FAM184A: variants seen among roughly 807,000 people sequenced by gnomAD.
The protein encoded by FAM184A is family with sequence similarity 184 member A, also known as protein FAM184A.
FAM184A carries 99 observed loss-of-function variants against 143.8 expected under a neutral mutation model. That is an observed-to-expected ratio of 0.69 (90% CI 0.58 to 0.81). The LOEUF is 0.81. FAM184A is among the 40% of genes least tolerant of loss of function. The pLI is 0.00. For missense variants in FAM184A, 1,217 were observed against 1,310.5 expected (o/e 0.93, Z 1.10); for synonymous variants, 427 against 446.4 (o/e 0.96, Z 0.55).
intron 9 of FAM184A, among the ~76,000 whole-genome samples, chr6:118,995,459 C>T (rs992034091): frequency 6.6e-6 from 1 of 152,122 alleles, no homozygotes; most frequent in Admixed American, 6.6e-5. Flanking sequence ...ATTTAAAATA[C>T]AACACTATAA....
chr6:119,029,031 T>A (rs554252408), intron 1 of FAM184A, among the ~76,000 whole-genome samples: 1 of 152,168 alleles, frequency 6.6e-6, no homozygotes, highest in African/African-American at 2.4e-5. Flanking sequence ...TTTTTTCCTA[T>A]CTCATATAGG....
chr6:119,032,395 T>C (rs770631594), intron 1 of FAM184A, among the ~76,000 whole-genome samples: 2 of 151,658 alleles, frequency 1.3e-5, no homozygotes, highest in Non-Finnish European at 2.9e-5. Flanking sequence ...TTTTAATAAG[T>C]TAACAGTGAC....
At chr6:119,102,784 CAAAAAAAAAA>C (rs58686018) in intron 1 of FAM184A, among the ~76,000 whole-genome samples, 2 of 30,112 alleles carry the variant, frequency 6.6e-5, no homozygotes, top group Non-Finnish European at 1.3e-4. Flanking sequence ...GACTCCATCT[CAAAAAAAAAA>C]AAAAAAAAAA....
At chr6:118,967,085 T>C (rs1783524566) in intron 14 of FAM184A, 133 bp from the exon 15 acceptor site, 1 of 519,906 alleles carries the variant, frequency 1.9e-6, no homozygotes, top group East Asian at 3.2e-5. Flanking sequence ...CTTAAAACTT[T>C]TAAGCATAAT....
intron 1 of FAM184A, among the ~76,000 whole-genome samples, chr6:119,026,018 C>T (rs1035154040): frequency 2.6e-5 from 4 of 152,162 alleles, no homozygotes; most frequent in Non-Finnish European, 5.9e-5. Context: ...CTGTCTGGGA[C>T]AGCAGTTGTG....
At chr6:119,117,159 G>C (rs775650958) in intron 1 of FAM184A, among the ~76,000 whole-genome samples, 75 of 152,156 alleles carry the variant, frequency 4.9e-4, no homozygotes, top group Non-Finnish European at 1.0e-3. Flanking sequence ...ATTGGGAGTG[G>C]GCATAGATTT....
intron 16 of FAM184A, chr6:118,963,502 A>G (rs904673977): frequency 6.6e-6 from 1 of 152,134 alleles, no homozygotes. Context: ...ATGCCACTAC[A>G]GTCATTCTAT....
intron 12 of FAM184A, among the ~76,000 whole-genome samples, chr6:118,975,543 A>C (rs1783820675): frequency 6.6e-6 from 1 of 152,264 alleles, no homozygotes; most frequent in African/African-American, 2.4e-5. Context: ...TTACATCCTC[A>C]GTAAGTTTTA....
intron 17 of FAM184A, among the ~76,000 whole-genome samples, 199 bp from the exon 18 acceptor site, chr6:118,960,383 A>G (rs1583752460): frequency 6.6e-6 from 1 of 152,198 alleles, no homozygotes; most frequent in South Asian, 2.1e-4. Flanking sequence ...CAGCAGCTCA[A>G]ATGAAGTCAG....
intron 1 of FAM184A, among the ~76,000 whole-genome samples, chr6:119,094,002 C>A: frequency 7.1e-6 from 1 of 141,580 alleles, no homozygotes; most frequent in South Asian, 2.7e-4. Flanking sequence ...CCCTCCCTCC[C>A]CTCCCCTCCC....
In FAM184A at chr6:118,980,272, T is replaced by C. The variant is rs1431810230; in HGVS notation, c.2167A>G (p.Thr723Ala). 6.2e-7 allele frequency: 1 copy of C among 1,614,172 alleles called. No individual in the cohort carries two copies. Among genetic ancestry groups the C allele is most frequent in the Non-Finnish European group, 8.5e-7 (1 of 1,180,002 alleles). Reference protein sequence around the residue: ...TSLQQLQAQFTQERQRLTQEL... With the variant: ...TSLQQLQAQFAQERQRLTQEL... Reference sequence around the variant, plus strand: ...TGCGTAAGCCGCTGTCGTTCTTGCGTAAACTGGGCTTGCAGTTGTTGCAAA... The same window carrying C: ...TGCGTAAGCCGCTGTCGTTCTTGCGCAAACTGGGCTTGCAGTTGTTGCAAA... The change falls in exon 10 of 18, where the codon ACG (threonine) becomes GCG (alanine). Residue 723 changes from threonine to alanine, a missense_variant. Physicochemically the swap from Thr to Ala is moderately conservative, Grantham distance 58. Transcript: ENST00000338891.
At chr6:119,078,843 C>T (rs2114803342), upstream of FAM184A, 1 of 153,958 alleles carries the variant, frequency 6.5e-6, no homozygotes, top group South Asian at 1.8e-4. The surrounding 1 kb of genome is among the most constrained non-coding windows in gnomAD (Gnocchi z 5.5). Context: ...GCCCCGCGGC[C>T]AGTGCGGGCG....
chr6:119,111,007 C>T (rs1223762537), intron 1 of FAM184A, among the ~76,000 whole-genome samples: 6 of 151,786 alleles, frequency 4.0e-5, no homozygotes, highest in Non-Finnish European at 7.4e-5. Context: ...AGGAAGGTTG[C>T]GATGAGTATC....
Position 119,078,095 on chromosome 6 carries a change from G to A in FAM184A, c.159+46C>T, listed in dbSNP as rs1562140984. The A allele has an allele frequency of 1.3e-6, 2 of 1,542,344 alleles. No homozygotes were observed. The highest frequency in any genetic ancestry group is 1.7e-6 in the Non-Finnish European group (2 of 1,148,634). On this transcript the variant is annotated intron_variant, in intron 1 of 17. Coordinates refer to ENST00000338891, the MANE Select transcript of FAM184A (RefSeq NM_024581.6). The surrounding 1 kb of genome is among the most constrained non-coding windows in gnomAD (Gnocchi z 5.5). ...TCCCGGGGAGACAGGTGAGTCCGGC[G>A]CGGCCCGCACGGGGTCGCCACCTGC...
At chr6:119,132,859 A>T (rs1789569862) in intron 1 of FAM184A, among the ~76,000 whole-genome samples, 1 of 152,232 alleles carries the variant, frequency 6.6e-6, no homozygotes, top group African/African-American at 2.4e-5. Context: ...CTTGATAGCG[A>T]GGAGCTTAGA....
chr6:119,075,036 T>TA (rs1787824615), intron 1 of FAM184A, among the ~76,000 whole-genome samples: 2 of 152,236 alleles, frequency 1.3e-5, no homozygotes, highest in Non-Finnish European at 2.9e-5. Flanking sequence ...GCTTTTTAAT[T>TA]AAAAATATAT....
chr6:119,016,264 G>C (rs1192462015), intron 5 of FAM184A, among the ~76,000 whole-genome samples: 1 of 152,140 alleles, frequency 6.6e-6, no homozygotes, highest in African/African-American at 2.4e-5. Flanking sequence ...CAGGCTGCCC[G>C]AGCCAGCATT....
chr6:119,148,242 C>T (rs1237345909), intron 1 of FAM184A, among the ~76,000 whole-genome samples: 1 of 152,178 alleles, frequency 6.6e-6, no homozygotes, highest in African/African-American at 2.4e-5. Context: ...GGCTGGACTT[C>T]TGGTGATCTC....
At chr6:119,140,986 G>C (rs1049531460) in intron 1 of FAM184A, among the ~76,000 whole-genome samples, 1 of 152,208 alleles carries the variant, frequency 6.6e-6, no homozygotes, top group African/African-American at 2.4e-5. Context: ...TAAGCCACCT[G>C]ATGTTCTGTC....
Sources: allele counts gnomAD v4.1 joint callset (sites outside exome capture counted in the v4.1 genomes callset), GRCh38; gene constraint gnomAD v4.1.1; non-coding constraint Gnocchi (gnomAD v3.1); transcripts MANE v1.5; gene names NCBI Gene and HGNC (gene_info 2026-07-23, HGNC 2026-07-21).